The following ENTHD1 variants were observed in gnomAD, a reference collection of about 807,000 sequenced individuals.
The protein encoded by ENTHD1 is ENTH domain containing 1.
A neutral mutation model predicts 39.1 loss-of-function variants in ENTHD1; 23 were observed. That is an observed-to-expected ratio of 0.59 (90% CI 0.42 to 0.83). The LOEUF (loss-of-function observed/expected upper bound fraction) is 0.83, where lower values mean the gene tolerates loss of function less well. Among genes scored for constraint, ENTHD1 ranks in the 40% least tolerant of loss-of-function variants. The probability of loss-of-function intolerance (pLI) is 0.00; values close to 1 mark genes in which losing one functional copy is unlikely to be tolerated. For missense variants in ENTHD1, 624 were observed against 705.4 expected (o/e 0.88, Z 1.31); for synonymous variants, 230 against 258.2 (o/e 0.89, Z 1.05).
rs71197195 is a variant in ENTHD1 at position 39,824,201 on chromosome 22, C to CTTTTTTT, written c.712-3095_712-3089dup. Among the ~76,000 whole-genome samples, 8 of 71,444 alleles carry CTTTTTTT rather than the reference C, an allele frequency of 1.1e-4. 1 individual carries two copies. The highest frequency in any genetic ancestry group is 1.5e-4 in the Non-Finnish European group (6 of 39,968). The allele number at this position is 71,444 out of a possible 152,430, so 46.9% of individuals were successfully genotyped here. ...TTAGGGATCATGCTTTTGTCCAGTT[C>CTTTTTTT]TTTTTTTTTTTTTTTTTTTTTTTTT... On this transcript the variant is annotated intron_variant, in intron 4 of 6. Coordinates refer to ENST00000325157, the MANE Select transcript of ENTHD1 (RefSeq NM_152512.4).
Position 39,861,799 on chromosome 22 carries a change from A to C in ENTHD1, c.558T>G (p.Tyr186Ter). ...GTAACCTTCCAAACTTAGGAAGCTT[A>C]TACTTCTTCTCTGAAGCAGAAATAT... ...TPDISASEKKYKLPKFGRLHN... is the reference protein window; with the variant it reads ...TPDISASEKK The change falls in exon 3 of 7, where the codon TAT becomes TAG. Residue 186 changes from tyrosine to a stop codon, truncating the protein, a stop_gained. Coordinates refer to ENST00000325157, the MANE Select transcript of ENTHD1 (RefSeq NM_152512.4). LOFTEE classifies it high-confidence loss of function. 1 of 1,582,198 alleles carries C rather than the reference A, an allele frequency of 6.3e-7. No individual in the cohort carries two copies. The highest frequency in any genetic ancestry group is 8.6e-7 in the Non-Finnish European group (1 of 1,160,232).
At chr22:39,755,351 G>C (rs915705881) in intron 6 of ENTHD1, among the ~76,000 whole-genome samples, 1 of 152,096 alleles carries the variant, frequency 6.6e-6, no homozygotes, top group Non-Finnish European at 1.5e-5. Flanking sequence ...GGCCGGGAGT[G>C]TTCTGGTCAG....
chr22:39,886,685 G>A (rs1019477667), intron 2 of ENTHD1, among the ~76,000 whole-genome samples: 1 of 152,132 alleles, frequency 6.6e-6, no homozygotes, highest in African/African-American at 2.4e-5. Context: ...TAGCTAGAGA[G>A]GAAGCACTGA....
chr22:39,888,271 T>C (rs1451849741), intron 1 of ENTHD1, among the ~76,000 whole-genome samples: 2 of 146,866 alleles, frequency 1.4e-5, no homozygotes, highest in Non-Finnish European at 3.0e-5. Context: ...TTTTTTTTTT[T>C]TTTTTTTTTT....
At chr22:39,818,878 G>A (rs879779848) in intron 5 of ENTHD1, among the ~76,000 whole-genome samples, 4 of 152,132 alleles carry the variant, frequency 2.6e-5, no homozygotes, top group Non-Finnish European at 4.4e-5. Context: ...GTATTAAAAT[G>A]TTAGGAGGGA....
intron 4 of ENTHD1, among the ~76,000 whole-genome samples, chr22:39,833,187 T>C (rs1410475315): frequency 6.6e-6 from 1 of 152,112 alleles, no homozygotes; most frequent in African/African-American, 2.4e-5. Context: ...AATGATCAGC[T>C]TAGGTCTTAT....
intron 1 of ENTHD1, among the ~76,000 whole-genome samples, chr22:39,891,518 G>A (rs963434466): frequency 1.3e-5 from 2 of 150,484 alleles, no homozygotes; most frequent in African/African-American, 4.9e-5. Context: ...TGTAGCCCAG[G>A]CTGCTTGCAA....
intron 5 of ENTHD1, among the ~76,000 whole-genome samples, chr22:39,796,780 G>A (rs2082072684): frequency 6.6e-6 from 1 of 152,190 alleles, no homozygotes; most frequent in African/African-American, 2.4e-5. Context: ...GTTGAGATAT[G>A]TCTGTGGCCT....
At chr22:39,787,893 G>C (rs1467845338) in intron 5 of ENTHD1, among the ~76,000 whole-genome samples, 1 of 152,172 alleles carries the variant, frequency 6.6e-6, no homozygotes, top group East Asian at 1.9e-4. Flanking sequence ...GATGAAACAG[G>C]CTTTTGTTGG....
chr22:39,862,283 C>G (rs1024603365), intron 2 of ENTHD1, among the ~76,000 whole-genome samples: 3 of 152,020 alleles, frequency 2.0e-5, no homozygotes, highest in African/African-American at 7.2e-5. Flanking sequence ...GGTGCGGTGG[C>G]TCATGGCTGT....
chr22:39,875,280 C>T, intron 2 of ENTHD1: 2 of 1,234,670 alleles, frequency 1.6e-6, no homozygotes, highest in East Asian at 3.5e-5. Context: ...CAAATCTATA[C>T]AGTTAAAGAA....
intron 2 of ENTHD1, among the ~76,000 whole-genome samples, chr22:39,883,111 G>A (rs57394161): frequency 6.6e-6 from 1 of 150,916 alleles, no homozygotes; most frequent in Non-Finnish European, 1.5e-5. Flanking sequence ...ATTTTTATTA[G>A]TGAATAATGT....
intron 5 of ENTHD1, among the ~76,000 whole-genome samples, chr22:39,791,778 T>C (rs1479150474): frequency 1.3e-5 from 2 of 152,196 alleles, no homozygotes; most frequent in Non-Finnish European, 2.9e-5. Context: ...GTTTGTTATA[T>C]AGATAAGCTT....
intron 2 of ENTHD1, among the ~76,000 whole-genome samples, chr22:39,881,884 C>T (rs1230615418): frequency 6.6e-6 from 1 of 152,122 alleles, no homozygotes; most frequent in Non-Finnish European, 1.5e-5. Context: ...GCAAAGGCAA[C>T]GCAAGTGTAA....
chr22:39,841,993 T>C (rs1330456366), intron 3 of ENTHD1, among the ~76,000 whole-genome samples: 1 of 151,504 alleles, frequency 6.6e-6, no homozygotes, highest in Non-Finnish European at 1.5e-5. Flanking sequence ...CCTTCACTTA[T>C]GAAGCTTAGT....
Position 39,887,526 on chromosome 22 carries a change from G to A in ENTHD1, c.223C>T (p.Leu75Phe), listed in dbSNP as rs1245774529. The change falls in exon 2 of 7, where the codon CTT becomes TTT. Residue 75 changes from leucine (L) to phenylalanine (F), a missense_variant. By Grantham distance (22) the Leu-to-Phe change is conservative (BLOSUM62 0). Transcript: ENST00000325157. ...GKNWRHVYKS[L>F]TLMDYLIKNG... ...TTGATGAGATAATCCATTAGGGTAAGGGATTTATACACGTGGCGCCAGTTC... is the reference window on the plus strand; with the variant it reads ...TTGATGAGATAATCCATTAGGGTAAAGGATTTATACACGTGGCGCCAGTTC... 10 of 1,613,922 alleles carry A rather than the reference G, an allele frequency of 6.2e-6. No homozygotes were observed. Among genetic ancestry groups the A allele is most frequent in the Non-Finnish European group, 8.5e-6 (10 of 1,179,908 alleles).
rs77084794 is a variant in ENTHD1 at position 39,778,887 on chromosome 22, A to C, written c.833-13278T>G. Among the ~76,000 whole-genome samples, 1,130 of 152,360 alleles carry C rather than the reference A, an allele frequency of 7.4e-3. 9 individuals carry two copies. Among genetic ancestry groups the C allele is most frequent in the African/African-American group, 0.026 (1,070 of 41,578 alleles). Reference sequence around the variant, plus strand: ...CCATGTACTACAAACGTGCCCAAGAATACAAAAGCCAGAATCATTAGGCCA... The same window carrying C: ...CCATGTACTACAAACGTGCCCAAGACTACAAAAGCCAGAATCATTAGGCCA... On this transcript the variant is annotated intron_variant, in intron 5 of 6. Coordinates refer to ENST00000325157, the MANE Select transcript of ENTHD1 (RefSeq NM_152512.4).
chr22:39,806,917 A>G (rs2065645509), intron 5 of ENTHD1, among the ~76,000 whole-genome samples: 1 of 152,202 alleles, frequency 6.6e-6, no homozygotes, highest in Admixed American at 6.6e-5. Context: ...TATGCAAAGC[A>G]TGAGAGAATA....
chr22:39,766,019 C>CAAAGAAAAA (rs2065273954), intron 5 of ENTHD1, among the ~76,000 whole-genome samples: 1 of 48,340 alleles, frequency 2.1e-5, no homozygotes, highest in Non-Finnish European at 3.7e-5. Flanking sequence ...CCCTCAGCTA[C>CAAAGAAAAA]AAAAAAAAAA....
Sources: gnomAD v4.1 joint callset for allele counts (sites outside exome capture counted in the v4.1 genomes callset) on GRCh38, gnomAD v4.1.1 for gene constraint, MANE v1.5 for transcripts, NCBI Gene and HGNC (gene_info 2026-07-23, HGNC 2026-07-21) for gene names.